Variants in CSMD3 observed in about 807,000 individuals in gnomAD.
CSMD3 encodes CUB and Sushi multiple domains 3.
CSMD3 carries 177 observed loss-of-function variants against 435.2 expected under a neutral mutation model. The observed-to-expected ratio is 0.41, with a 90% CI of 0.36 to 0.46. The LOEUF (loss-of-function observed/expected upper bound fraction) is 0.46. CSMD3 is among the 20% of genes least tolerant of loss of function. CSMD3 has a pLI of 0.34. For synonymous variants in CSMD3, 1,656 were observed against 1,520.5 expected, an observed-to-expected ratio of 1.09 and a Z score of -2.07; for missense variants, 4,265 against 4,504.6, an observed-to-expected ratio of 0.95 and a Z score of 1.52.
At chr8:113,044,190 C>T (rs2087737400) in intron 5 of CSMD3, among the ~76,000 whole-genome samples, 1 of 152,002 alleles carries the variant, frequency 6.6e-6, no homozygotes, top group South Asian at 2.1e-4. Flanking sequence ...TATTATGATA[C>T]TCTGACTTTG....
intron 3 of CSMD3, among the ~76,000 whole-genome samples, chr8:113,206,007 T>C (rs993234670): frequency 3.3e-5 from 5 of 152,020 alleles, no homozygotes; most frequent in Admixed American, 3.3e-4. Flanking sequence ...TAAAATTGCA[T>C]TGGACCACAG....
At chr8:112,727,683 C>T (rs1394727089) in intron 13 of CSMD3, among the ~76,000 whole-genome samples, 1 of 151,706 alleles carries the variant, frequency 6.6e-6, no homozygotes, top group Admixed American at 6.6e-5. Context: ...TGTATACTAT[C>T]TGTGATTTTA....
chr8:112,352,301 C>T, intron 39 of CSMD3, 115 bp downstream of exon 39: 3 of 1,509,020 alleles, frequency 2.0e-6, no homozygotes, highest in East Asian at 2.3e-5. Flanking sequence ...ACCCTTTTGA[C>T]CTCAGACACA....
At chr8:113,242,698 T>C (rs1036841025) in intron 3 of CSMD3, among the ~76,000 whole-genome samples, 1 of 152,038 alleles carries the variant, frequency 6.6e-6, no homozygotes, top group South Asian at 2.1e-4. Flanking sequence ...ACTTCAAGTA[T>C]GCAATTTTTA....
intron 32 of CSMD3, among the ~76,000 whole-genome samples, chr8:112,458,873 A>T (rs1415314261): frequency 6.6e-6 from 1 of 152,100 alleles, no homozygotes; most frequent in African/African-American, 2.4e-5. Context: ...AGGTCTTTGT[A>T]ATATCACTTG....
At chr8:113,434,354 T>C (rs1270192046) in intron 1 of CSMD3, among the ~76,000 whole-genome samples, 1 of 152,160 alleles carries the variant, frequency 6.6e-6, no homozygotes, top group Non-Finnish European at 1.5e-5. Context: ...AAAGCGAGCA[T>C]AGACATTGGG....
At chr8:112,629,326 C>G (rs1805216462) in intron 22 of CSMD3, among the ~76,000 whole-genome samples, 1 of 152,030 alleles carries the variant, frequency 6.6e-6, no homozygotes, top group African/African-American at 2.4e-5. Context: ...CTCAGCCTCC[C>G]CAGTGGCTGA....
At chr8:112,535,538 A>C (rs1243166846) in intron 27 of CSMD3, among the ~76,000 whole-genome samples, 20 of 148,264 alleles carry the variant, frequency 1.3e-4, no homozygotes, top group African/African-American at 2.8e-4. Flanking sequence ...AAACAAATGG[A>C]AGAACATTCC....
intron 10 of CSMD3, among the ~76,000 whole-genome samples, chr8:112,890,240 ACTAT>A (rs1182453110): frequency 6.6e-6 from 1 of 151,642 alleles, no homozygotes; most frequent in East Asian, 2.0e-4. Flanking sequence ...TTAAATTGCC[ACTAT>A]CTAAGATAGA....
chr8:113,037,337 CTTTAA>C (rs954158322), intron 5 of CSMD3, among the ~76,000 whole-genome samples: 13 of 152,124 alleles, frequency 8.5e-5, no homozygotes, highest in South Asian at 6.2e-4. Context: ...AATTTCATTA[CTTTAA>C]TTTATTTCCA....
At chr8:112,454,706 C>A (rs1007296717) in intron 32 of CSMD3, among the ~76,000 whole-genome samples, 1 of 151,942 alleles carries the variant, frequency 6.6e-6, no homozygotes, top group Admixed American at 6.6e-5. Flanking sequence ...CTTAAAAATA[C>A]CTAGATAGGC....
intron 20 of CSMD3, among the ~76,000 whole-genome samples, chr8:112,641,859 A>C (rs1563801897): frequency 1.3e-5 from 2 of 151,730 alleles, no homozygotes; most frequent in African/African-American, 4.8e-5. Context: ...CAAACAAAAA[A>C]CCCCAAAGCA....
At chr8:113,115,594 T>C (rs1345939237) in intron 4 of CSMD3, among the ~76,000 whole-genome samples, 1 of 152,244 alleles carries the variant, frequency 6.6e-6, no homozygotes, top group African/African-American at 2.4e-5. Flanking sequence ...CGCTATTCTT[T>C]GTGGCATTCA....
chr8:112,840,462 A>G (rs1424384114), intron 11 of CSMD3, among the ~76,000 whole-genome samples: 1 of 151,790 alleles, frequency 6.6e-6, no homozygotes, highest in Non-Finnish European at 1.5e-5. Flanking sequence ...TACTTTGTCA[A>G]TGGGTACCAA....
rs572314278 is a variant in CSMD3, at chr8:112,509,760, A to T, written c.4757-2931T>A. On this transcript the variant is annotated intron_variant, in intron 28 of 70. Transcript: ENST00000297405. ...TCCTTACATGGTTCTCTTAATTTCT[A>T]CTGGTACATTTTTCCTTGTTGACCA... 5.9e-5 allele frequency among the ~76,000 whole-genome samples: 9 copies of T among 152,128 alleles called. No individual in the cohort carries two copies. In the South Asian group the frequency reaches 1.5e-3, roughly 25 times the overall value.
chr8:113,033,241 C>T (rs545674248), intron 5 of CSMD3, among the ~76,000 whole-genome samples: 12 of 151,736 alleles, frequency 7.9e-5, no homozygotes, highest in South Asian at 4.2e-4. Context: ...GTAGATCTAA[C>T]GACAGTCTGC....
intron 13 of CSMD3, among the ~76,000 whole-genome samples, chr8:112,756,472 C>T (rs967163187): frequency 1.3e-5 from 2 of 152,172 alleles, no homozygotes; most frequent in African/African-American, 2.4e-5. Flanking sequence ...CATTCTCTCT[C>T]AAGTTACTTG....
At chr8:113,301,278 CTTATATA>C (rs921043927) in intron 2 of CSMD3, among the ~76,000 whole-genome samples, 1 of 151,500 alleles carries the variant, frequency 6.6e-6, no homozygotes, top group Non-Finnish European at 1.5e-5. Context: ...ATGTTACAGA[CTTATATA>C]TTATTATGAA....
At chr8:112,421,063 G>C (rs1476869633) in intron 32 of CSMD3, among the ~76,000 whole-genome samples, 1 of 152,006 alleles carries the variant, frequency 6.6e-6, no homozygotes, top group South Asian at 2.1e-4. Flanking sequence ...CAGGTGGAGG[G>C]GTACACCATA....
Sources: allele counts gnomAD v4.1 joint callset (sites outside exome capture counted in the v4.1 genomes callset), GRCh38; gene constraint gnomAD v4.1.1; transcripts MANE v1.5; gene names NCBI Gene and HGNC (gene_info 2026-07-23, HGNC 2026-07-21).